DCC: variants seen among roughly 807,000 people sequenced by gnomAD.
DCC encodes the protein DCC netrin 1 receptor, also known as netrin receptor DCC.
A neutral mutation model predicts 172.5 loss-of-function variants in DCC; 58 were observed. That is an observed-to-expected ratio of 0.34 (90% confidence interval 0.27 to 0.42). The LOEUF (loss-of-function observed/expected upper bound fraction) is 0.42. Ranked by LOEUF, DCC falls within the 10% of genes least tolerant of loss-of-function variation. The pLI, the probability that DCC is intolerant of heterozygous loss-of-function variation, is 1.00. For synonymous variants in DCC, 709 were observed against 644.5 expected (o/e 1.10, Z -1.52); for missense variants, 1,740 against 1,791.0 (o/e 0.97, Z 0.51).
In DCC at chr18:53,375,616, C is replaced by CCTTTTTTTTTTTTTTTT. The variant is rs1555660825; in HGVS notation, c.2360-10427_2360-10426insCTTTTTTTTTTTTTTTT. Among the ~76,000 whole-genome samples the CCTTTTTTTTTTTTTTTT allele has an allele frequency of 3.2e-5, 4 of 123,086 alleles. 2 individuals carry two copies. The highest frequency in any genetic ancestry group is 3.3e-5 in the Non-Finnish European group (2 of 61,226). The allele number at this position is 123,086 out of a possible 152,430, so 80.7% of individuals were successfully genotyped here. A position where few individuals can be genotyped will look rare whatever the true frequency, so the allele number is the denominator to read the frequency against. ...CAATGTTACCACCTTATATTTAATTCTTTTTTTTTTTTTTTTTTTGAGAAA... is the reference window on the plus strand; with the variant it reads ...CAATGTTACCACCTTATATTTAATTCCTTTTTTTTTTTTTTTTTTTTTTTTTTTTTTTTTTTGAGAAA... On this transcript the variant is annotated intron_variant, in intron 15 of 28. Coordinates refer to ENST00000442544, the MANE Select transcript of DCC (RefSeq NM_005215.4).
chr18:52,738,621 C>T (rs541717886), intron 1 of DCC, among the ~76,000 whole-genome samples: 60 of 152,282 alleles, frequency 3.9e-4, no homozygotes, highest in African/African-American at 1.4e-3. Flanking sequence ...ACTTCATAAA[C>T]ACTGTACGCC....
intron 1 of DCC, among the ~76,000 whole-genome samples, chr18:52,531,188 T>A (rs1230694211): frequency 6.6e-6 from 1 of 152,194 alleles, no homozygotes; most frequent in Non-Finnish European, 1.5e-5. Flanking sequence ...GCATTTGAAC[T>A]GATGAGTCAA....
At chr18:52,817,262 G>C (rs2038317309) in intron 2 of DCC, among the ~76,000 whole-genome samples, 1 of 151,752 alleles carries the variant, frequency 6.6e-6, no homozygotes, top group Non-Finnish European at 1.5e-5. Context: ...TTCTTGATTT[G>C]TTTTCTATGA....
chr18:53,500,007 A>G (rs1296580507), intron 27 of DCC, among the ~76,000 whole-genome samples: 1 of 152,228 alleles, frequency 6.6e-6, no homozygotes, highest in Admixed American at 6.5e-5. Context: ...TGTCAGAACC[A>G]GTGCTGAGTA....
chr18:53,164,495 G>A (rs1418202325), intron 8 of DCC, among the ~76,000 whole-genome samples: 1 of 152,150 alleles, frequency 6.6e-6, no homozygotes, highest in African/African-American at 2.4e-5. Flanking sequence ...ACACAGTATA[G>A]CCAAAAGGGT....
At chr18:52,542,029 A>AAT (rs996916118) in intron 1 of DCC, among the ~76,000 whole-genome samples, 1 of 147,804 alleles carries the variant, frequency 6.8e-6, no homozygotes, top group East Asian at 1.9e-4. Flanking sequence ...ATATATAATA[A>AAT]ATATATATAT....
intron 1 of DCC, among the ~76,000 whole-genome samples, chr18:52,703,180 C>A (rs2036153928): frequency 6.6e-6 from 1 of 152,138 alleles, no homozygotes; most frequent in South Asian, 2.1e-4. Flanking sequence ...TTGAATATCT[C>A]TTTCCTTCCC....
intron 10 of DCC, among the ~76,000 whole-genome samples, chr18:53,206,290 T>C (rs1387838532): frequency 1.5e-5 from 2 of 132,958 alleles, no homozygotes; most frequent in Non-Finnish European, 3.1e-5. Context: ...ATATACCACA[T>C]ATATGTATTG....
intron 12 of DCC, among the ~76,000 whole-genome samples, chr18:53,239,964 AGAG>A (rs1289795478): frequency 1.3e-5 from 2 of 149,154 alleles, no homozygotes; most frequent in Non-Finnish European, 3.0e-5. Flanking sequence ...TATTTTTGTT[AGAG>A]GAGAATGGTG....
At chr18:53,159,659 A>G (rs1006303941) in intron 8 of DCC, among the ~76,000 whole-genome samples, 5 of 152,138 alleles carry the variant, frequency 3.3e-5, no homozygotes, top group Admixed American at 6.6e-5. Context: ...ATCTGTATCT[A>G]TATCTGTCTA....
At chr18:52,799,235 TATG>T (rs1282038700) in intron 2 of DCC, among the ~76,000 whole-genome samples, 33 of 152,360 alleles carry the variant, frequency 2.2e-4, no homozygotes, top group African/African-American at 7.9e-4. Flanking sequence ...CTAACATTCT[TATG>T]ATCCATGAAG....
In DCC at chr18:53,294,200, C is replaced by T. The variant is rs562456258; in HGVS notation, c.1912-11378C>T. 7.2e-5 allele frequency among the ~76,000 whole-genome samples: 11 copies of T among 152,092 alleles called. 1 individual carries two copies. The highest frequency in any genetic ancestry group is 3.9e-4 in the Admixed American group (6 of 15,264). On this transcript the variant is annotated intron_variant, in intron 12 of 28. Transcript: ENST00000442544. ...AACATATAAGAAGTGGAGCATAATTCGGATAACATTTCTTACTGGTGTAAA... is the reference window on the plus strand; with the variant it reads ...AACATATAAGAAGTGGAGCATAATTTGGATAACATTTCTTACTGGTGTAAA...
At chr18:52,752,970 G>T (rs2037020356) in intron 2 of DCC, among the ~76,000 whole-genome samples, 1 of 151,002 alleles carries the variant, frequency 6.6e-6, no homozygotes, top group East Asian at 1.9e-4. Context: ...CATTGTGTGT[G>T]TGTATGTATA....
At chr18:52,816,742 T>G (rs2038306513) in intron 2 of DCC, 1 of 152,174 alleles carries the variant, frequency 6.6e-6, no homozygotes, top group African/African-American at 2.4e-5. Context: ...CCGATGCAGC[T>G]GTCCCCAGGC....
chr18:52,933,226 T>G (rs1054211546), intron 5 of DCC, among the ~76,000 whole-genome samples: 1 of 152,068 alleles, frequency 6.6e-6, no homozygotes, highest in African/African-American at 2.4e-5. Context: ...GTGCCTCTTG[T>G]GTACTAAGCA....
chr18:52,505,043 G>A (rs2031178713), intron 1 of DCC, among the ~76,000 whole-genome samples: 1 of 152,130 alleles, frequency 6.6e-6, no homozygotes, highest in South Asian at 2.1e-4. Flanking sequence ...ACAGCTGAAA[G>A]CCTCAAGAGT....
chr18:52,667,206 C>A (rs1416503273), intron 1 of DCC, among the ~76,000 whole-genome samples: 1 of 151,970 alleles, frequency 6.6e-6, no homozygotes, highest in Middle Eastern at 3.2e-3. Flanking sequence ...AGCCTAGCAG[C>A]CTTCCCAGGG....
At chr18:53,386,859 G>A (rs1407177026) in intron 16 of DCC, among the ~76,000 whole-genome samples, 1 of 152,204 alleles carries the variant, frequency 6.6e-6, no homozygotes, top group East Asian at 1.9e-4. Context: ...TGTAGGCTTA[G>A]TCCAAAATAC....
chr18:53,431,473 TGTTG>T (rs1420152337), intron 21 of DCC, among the ~76,000 whole-genome samples: 10 of 148,910 alleles, frequency 6.7e-5, no homozygotes, highest in Admixed American at 4.7e-4. Context: ...CTTTGTTTTT[TGTTG>T]TTGTTGTTGT....
Sources: allele counts gnomAD v4.1 joint callset (sites outside exome capture counted in the v4.1 genomes callset), GRCh38; gene constraint gnomAD v4.1.1; transcripts MANE v1.5; gene names NCBI Gene and HGNC (gene_info 2026-07-23, HGNC 2026-07-21).